Variants in PRMT8 observed in about 807,000 individuals in gnomAD.
The protein encoded by PRMT8 is protein arginine N-methyltransferase 8.
Under a neutral mutation model 47.1 loss-of-function variants are expected in PRMT8, and 7 were observed. That is an observed-to-expected ratio of 0.15 (90% CI 0.08 to 0.28). The LOEUF (loss-of-function observed/expected upper bound fraction) is 0.28, where lower values mean the gene tolerates loss of function less well. Among genes scored for constraint, PRMT8 ranks in the 10% least tolerant of loss-of-function variants. PRMT8 has a pLI of 1.00. For missense variants in PRMT8, 237 were observed against 505.4 expected, an observed-to-expected ratio of 0.47 and a Z score of 5.09; for synonymous variants, 188 against 186.5, an observed-to-expected ratio of 1.01 and a Z score of -0.07.
At chr12:3,469,023 A>G in intron 1 of PRMT8, 1 of 381,862 alleles carries the variant, frequency 2.6e-6, no homozygotes, top group East Asian at 7.0e-5. Context: ...CACTGCATGA[A>G]CTGTGCACAA....
intron 1 of PRMT8, among the ~76,000 whole-genome samples, chr12:3,451,662 T>G (rs978774470): frequency 6.6e-6 from 1 of 152,020 alleles, no homozygotes; most frequent in Non-Finnish European, 1.5e-5. Context: ...TCCTATAGAG[T>G]TGGTTAGCCG....
rs139043786 is a variant in PRMT8, at chr12:3,523,878, A to G, written c.76-16728A>G. Among the ~76,000 whole-genome samples, 1,039 of 152,332 alleles carry G rather than the reference A, an allele frequency of 6.8e-3. 18 individuals are homozygous for G. The highest frequency in any genetic ancestry group is 0.024 in the African/African-American group (982 of 41,578). ...TATAAACCACTCCTTCTGCCTCTCTATGCAGGGGCAAAGTTCAATAAGCCT... is the reference window on the plus strand; with the variant it reads ...TATAAACCACTCCTTCTGCCTCTCTGTGCAGGGGCAAAGTTCAATAAGCCT... On this transcript the variant is annotated intron_variant, in intron 1 of 9. Transcript: ENST00000382622.
At chr12:3,537,652 AC>A (rs1866142312) in intron 1 of PRMT8, among the ~76,000 whole-genome samples, 1 of 151,914 alleles carries the variant, frequency 6.6e-6, no homozygotes, top group Non-Finnish European at 1.5e-5. Context: ...TGTTAATGTC[AC>A]CACCATTTCC....
At chr12:3,471,148 A>G (rs1865158068) in intron 1 of PRMT8, among the ~76,000 whole-genome samples, 1 of 152,030 alleles carries the variant, frequency 6.6e-6, no homozygotes, top group Non-Finnish European at 1.5e-5. Flanking sequence ...GCTGCACTTT[A>G]AGAGATTGGA....
At position 3,593,699 on chromosome 12, in the gene PRMT8, T is replaced by C. The variant is rs1379588095; in HGVS notation, c.*517T>C. The C allele has an allele frequency of 1.2e-5, 2 of 163,078 alleles. No homozygotes were observed. Among genetic ancestry groups the C allele is most frequent in the Admixed American group, 1.3e-4 (2 of 15,748 alleles). The allele number at this position is 163,078 out of a possible 1,614,324, so 10.1% of individuals were successfully genotyped here. ...GTATATGCGTGCATATACAACCAAG[T>C]GGGTAGACCTAGGTGTTCTCTCAGA... On this transcript the variant is annotated 3_prime_UTR_variant, in exon 10 of 10. Transcript: ENST00000382622. The surrounding 1 kb of genome is among the most constrained non-coding windows in gnomAD (Gnocchi z 4.8).
At chr12:3,388,818 A>G (rs1261393451) in intron 1 of PRMT8, among the ~76,000 whole-genome samples, 3 of 152,194 alleles carry the variant, frequency 2.0e-5, no homozygotes, top group Non-Finnish European at 4.4e-5. Flanking sequence ...GATAGTCAAG[A>G]TCATATAGAC....
chr12:3,408,105 CTTTA>C (rs1355156918), intron 1 of PRMT8, among the ~76,000 whole-genome samples: 1 of 151,852 alleles, frequency 6.6e-6, no homozygotes, highest in Non-Finnish European at 1.5e-5. Flanking sequence ...TCTTTTTTAT[CTTTA>C]TTTAATATTT....
At chr12:3,466,361 A>G (rs1865097555) in intron 1 of PRMT8, among the ~76,000 whole-genome samples, 1 of 152,154 alleles carries the variant, frequency 6.6e-6, no homozygotes, top group East Asian at 1.9e-4. Flanking sequence ...GAGGCAACAC[A>G]ATGAGATGTG....
Position 3,461,703 on chromosome 12 carries a change from AG to A in PRMT8, c.49-78899del, listed in dbSNP as rs535608101. 3.8e-4 allele frequency among the ~76,000 whole-genome samples: 58 copies of A among 150,810 alleles called. 1 individual carries two copies. Among genetic ancestry groups the A allele is most frequent in the African/African-American group, 1.4e-3 (56 of 40,102 alleles). On this transcript the variant is annotated intron_variant, in intron 1 of 9. Coordinates refer to the PRMT8 transcript ENST00000452611. The stretch of plus-strand genomic sequence containing the variant: ...GAGTCCAAGCTTCAGACAGAGAAGC[AG>A]GGGCCATTCGTTTATTTACTCTGCT...
chr12:3,548,391 A>G (rs1277048201), intron 2 of PRMT8, among the ~76,000 whole-genome samples: 1 of 152,222 alleles, frequency 6.6e-6, no homozygotes, highest in African/African-American at 2.4e-5. Context: ...TGAAAAGGCA[A>G]ATCACAGATT....
At chr12:3,562,225 T>C (rs1591603913) in intron 4 of PRMT8, among the ~76,000 whole-genome samples, 1 of 152,318 alleles carries the variant, frequency 6.6e-6, no homozygotes, top group East Asian at 1.9e-4. Flanking sequence ...TCATATGTAA[T>C]TATTTTTAAT....
chr12:3,412,131 A>C (rs1864437055), intron 1 of PRMT8, among the ~76,000 whole-genome samples: 1 of 152,236 alleles, frequency 6.6e-6, no homozygotes, highest in Non-Finnish European at 1.5e-5. Context: ...CACCTAGGCT[A>C]TCCCTACTGC....
chr12:3,437,622 C>CTATATATATATATA lies in PRMT8; in HGVS notation c.48+56196_48+56209dup, dbSNP rs57504454. ...ATTCCCTTTCTGGTGTGCATTCAGG[C>CTATATATATATATA]TATATATATATATATATATATATAT... On this transcript the variant is annotated intron_variant, in intron 1 of 9. Coordinates refer to the PRMT8 transcript ENST00000452611. Among the ~76,000 whole-genome samples the CTATATATATATATA allele has an allele frequency of 1.4e-3, 202 of 142,830 alleles. 1 individual carries two copies. The highest frequency in any genetic ancestry group is 4.9e-3 in the African/African-American group (182 of 36,874). 93.7% of individuals were successfully genotyped at this position (142,830 alleles called of 152,430 possible). A position where few individuals can be genotyped will look rare whatever the true frequency, so the allele number is the denominator to read the frequency against.
chr12:3,507,139 T>TTTTTC (rs1865640333), intron 1 of PRMT8, among the ~76,000 whole-genome samples: 1 of 147,828 alleles, frequency 6.8e-6, no homozygotes, highest in Non-Finnish European at 1.5e-5. Flanking sequence ...TTTTTTTTTT[T>TTTTTC]GAGACGGAGT....
At chr12:3,549,123 G>C (rs914042021) in intron 2 of PRMT8, among the ~76,000 whole-genome samples, 4 of 152,152 alleles carry the variant, frequency 2.6e-5, no homozygotes, top group Non-Finnish European at 5.9e-5. Flanking sequence ...AGAGGCTGAA[G>C]ATTGACTACA....
chr12:3,536,819 A>G (rs888685170), intron 1 of PRMT8, among the ~76,000 whole-genome samples: 1 of 152,182 alleles, frequency 6.6e-6, no homozygotes, highest in African/African-American at 2.4e-5. Flanking sequence ...TCATGATCAT[A>G]TTTTTGTGTA....
At chr12:3,547,286 A>G (rs935833816) in intron 2 of PRMT8, among the ~76,000 whole-genome samples, 5 of 152,234 alleles carry the variant, frequency 3.3e-5, no homozygotes, top group Non-Finnish European at 7.3e-5. Context: ...AGGCATACAG[A>G]TAGGAAAAAA....
intron 1 of PRMT8, among the ~76,000 whole-genome samples, chr12:3,410,754 G>A (rs1451890834): frequency 2.6e-5 from 4 of 152,100 alleles, no homozygotes; most frequent in Admixed American, 1.3e-4. Context: ...TGATCCACCC[G>A]CCTCGGCCTC....
At chr12:3,435,940 C>T (rs1864736822) in intron 1 of PRMT8, among the ~76,000 whole-genome samples, 1 of 152,134 alleles carries the variant, frequency 6.6e-6, no homozygotes, top group Non-Finnish European at 1.5e-5. Flanking sequence ...AGGGATTGGT[C>T]CCTGATGACA....
Sources: allele counts gnomAD v4.1 joint callset (sites outside exome capture counted in the v4.1 genomes callset), GRCh38; gene constraint gnomAD v4.1.1; non-coding constraint Gnocchi (gnomAD v3.1); transcripts MANE v1.5; gene names NCBI Gene and HGNC (gene_info 2026-07-23, HGNC 2026-07-21).